CDH18: variants seen among roughly 807,000 people sequenced by gnomAD.
CDH18 encodes the protein cadherin 18, also known as cadherin-18.
A neutral mutation model predicts 67.9 loss-of-function variants in CDH18; 31 were observed. That is an observed-to-expected ratio of 0.46 (90% CI 0.34 to 0.62). CDH18 has a LOEUF of 0.62. Ranked by LOEUF, CDH18 falls within the 20% of genes least tolerant of loss-of-function variation. CDH18 has a pLI of 0.01. For missense variants in CDH18, 890 were observed against 975.5 expected (o/e 0.91, Z 1.17); for synonymous variants, 362 against 347.2 (o/e 1.04, Z -0.48).
chr5:20,454,392 A>G (rs1255426236), intron 1 of CDH18, among the ~76,000 whole-genome samples: 1 of 152,154 alleles, frequency 6.6e-6, no homozygotes, highest in Non-Finnish European at 1.5e-5. Context: ...TACAAAAATA[A>G]GTATTCTATA....
intron 3 of CDH18, among the ~76,000 whole-genome samples, chr5:19,821,240 T>C (rs1434314451): frequency 1.3e-5 from 2 of 152,084 alleles, no homozygotes; most frequent in African/African-American, 2.4e-5. Flanking sequence ...GACGTAGCCA[T>C]TTTTAGAAAG....
At chr5:20,296,170 G>A (rs1337266505) in intron 1 of CDH18, among the ~76,000 whole-genome samples, 1 of 151,198 alleles carries the variant, frequency 6.6e-6, no homozygotes, top group East Asian at 2.0e-4. Context: ...CATCGCGCCT[G>A]GCCGACAAAT....
At chr5:19,559,074 C>T (rs1383199938) in intron 8 of CDH18, among the ~76,000 whole-genome samples, 1 of 151,950 alleles carries the variant, frequency 6.6e-6, no homozygotes, top group Non-Finnish European at 1.5e-5. Context: ...TTGTTTGGAT[C>T]TTCTTGCTTC....
chr5:20,334,749 C>CA (rs1739558339), intron 1 of CDH18, among the ~76,000 whole-genome samples: 1 of 118,268 alleles, frequency 8.5e-6, no homozygotes, highest in Admixed American at 8.1e-5. Flanking sequence ...CTCTCTCTCT[C>CA]TCATACACAC....
At chr5:19,586,015 G>C (rs186054487) in intron 7 of CDH18, among the ~76,000 whole-genome samples, 36 of 151,978 alleles carry the variant, frequency 2.4e-4, no homozygotes, top group Admixed American at 2.3e-3. Flanking sequence ...CTATAAAGCG[G>C]GGATAATAAC....
intron 2 of CDH18, among the ~76,000 whole-genome samples, chr5:20,230,754 C>T (rs951485866): frequency 1.3e-5 from 2 of 152,040 alleles, no homozygotes; most frequent in Non-Finnish European, 2.9e-5. Context: ...TATTCTAGGT[C>T]TTCTAGAATA....
intron 1 of CDH18, among the ~76,000 whole-genome samples, chr5:20,367,727 C>T (rs1742641220): frequency 6.6e-6 from 1 of 152,204 alleles, no homozygotes. Flanking sequence ...CCCTTATTCT[C>T]ATCTTACTAA....
chr5:19,964,647 CA>C (rs10719096), intron 2 of CDH18, among the ~76,000 whole-genome samples: 15,277 of 77,142 alleles, frequency 0.2, 2,071 homozygotes, highest in African/African-American at 0.43. Context: ...GGCCCTGTAT[CA>C]AAAAAAAAAA....
At chr5:20,561,248 C>T (rs1439809071) in intron 1 of CDH18, among the ~76,000 whole-genome samples, 1 of 152,082 alleles carries the variant, frequency 6.6e-6, no homozygotes, top group African/African-American at 2.4e-5. Context: ...GAGTCATGTT[C>T]TTTGGTACTT....
chr5:19,652,938 A>G (rs2150276124), intron 5 of CDH18, among the ~76,000 whole-genome samples: 1 of 152,208 alleles, frequency 6.6e-6, no homozygotes, highest in East Asian at 1.9e-4. Context: ...GAGGGTAAAA[A>G]AATCTTTGCA....
intron 2 of CDH18, among the ~76,000 whole-genome samples, chr5:20,173,288 T>C (rs1736983741): frequency 6.6e-6 from 1 of 152,100 alleles, no homozygotes. Context: ...GTATTAGAAA[T>C]GTATACATCA....
intron 4 of CDH18, among the ~76,000 whole-genome samples, chr5:19,736,587 T>A (rs1024893365): frequency 8.5e-5 from 13 of 152,198 alleles, no homozygotes; most frequent in African/African-American, 2.9e-4. Context: ...TGTTGCATAG[T>A]TATATTTTTC....
intron 5 of CDH18, among the ~76,000 whole-genome samples, chr5:19,660,976 G>GA (rs1388626693): frequency 4.7e-5 from 7 of 147,964 alleles, no homozygotes; most frequent in East Asian, 2.0e-4. Context: ...CAATAACGGT[G>GA]AAAAAAAAAG....
intron 2 of CDH18, among the ~76,000 whole-genome samples, chr5:20,204,702 G>T (rs1322864426): frequency 1.3e-5 from 2 of 151,928 alleles, no homozygotes; most frequent in Non-Finnish European, 2.9e-5. Context: ...AACCTGTTAA[G>T]AGGTAGGCAA....
intron 4 of CDH18, among the ~76,000 whole-genome samples, chr5:19,734,957 TCA>T (rs1768109229): frequency 6.6e-6 from 1 of 152,180 alleles, no homozygotes; most frequent in African/African-American, 2.4e-5. Flanking sequence ...AGTTGATTTC[TCA>T]CTCACATACT....
intron 1 of CDH18, among the ~76,000 whole-genome samples, chr5:20,421,011 C>T (rs926562515): frequency 4.0e-5 from 6 of 150,968 alleles, no homozygotes; most frequent in Non-Finnish European, 7.4e-5. Flanking sequence ...TTGATTGTTC[C>T]TTCTTTTAAG....
intron 1 of CDH18, among the ~76,000 whole-genome samples, chr5:20,565,950 T>C (rs1055224225): frequency 2.0e-5 from 3 of 152,076 alleles, no homozygotes; most frequent in Non-Finnish European, 2.9e-5. Flanking sequence ...TTGTCATCTT[T>C]TGTCTAATTC....
chr5:19,473,305 T>C lies in CDH18; in HGVS notation c.2294A>G (p.His765Arg), dbSNP rs764598039. ...CTCGGGTCCCCAGTCTCCAAGGTAG[T>C]GATAATCCTGGTCTGATTGTGTCGT... ...SATTQSDQDY[H>R]YLGDWGPEFK... is the part of the protein sequence containing the mutation. The change falls in exon 13 of 13, where the codon CAC (histidine) becomes CGC (arginine). Residue 765 changes from histidine (H) to arginine (R), a missense_variant. Coordinates refer to ENST00000382275, the MANE Select transcript of CDH18 (RefSeq NM_004934.5). The C allele has an allele frequency of 1.2e-6, 2 of 1,613,832 alleles. No individual in the cohort carries two copies. The highest frequency in any genetic ancestry group is 2.2e-5 in the South Asian group (2 of 91,080).
intron 1 of CDH18, among the ~76,000 whole-genome samples, chr5:20,473,925 C>A (rs1286283010): frequency 6.6e-6 from 1 of 152,100 alleles, no homozygotes; most frequent in Non-Finnish European, 1.5e-5. Flanking sequence ...CTCTTATCCA[C>A]CTCAAACCTT....
Sources: allele counts gnomAD v4.1 joint callset (sites outside exome capture counted in the v4.1 genomes callset), GRCh38; gene constraint gnomAD v4.1.1; transcripts MANE v1.5; gene names NCBI Gene and HGNC (gene_info 2026-07-23, HGNC 2026-07-21).